Variants in PRKG1 observed in about 807,000 individuals in gnomAD.
PRKG1 encodes protein kinase cGMP-dependent 1, also known as cGMP-dependent protein kinase 1.
A neutral mutation model predicts 88.1 loss-of-function variants in PRKG1; 35 were observed. That is an observed-to-expected ratio of 0.40 (90% CI 0.30 to 0.53). The LOEUF is 0.53. Among genes scored for constraint, PRKG1 ranks in the 20% least tolerant of loss-of-function variants. PRKG1 has a pLI of 0.59. For missense variants in PRKG1, 540 were observed against 839.8 expected, an observed-to-expected ratio of 0.64 and a Z score of 4.41; for synonymous variants, 303 against 292.5, an observed-to-expected ratio of 1.04 and a Z score of -0.37.
intron 2 of PRKG1, among the ~76,000 whole-genome samples, chr10:51,295,645 C>CTTCTT (rs61664932): frequency 0.24 from 35,598 of 150,940 alleles, 4,239 homozygotes; most frequent in Admixed American, 0.36. Flanking sequence ...TTCCTTTCCT[C>CTTCTT]TTCTTTTCTT....
intron 3 of PRKG1, among the ~76,000 whole-genome samples, chr10:51,768,334 T>C (rs1838221644): frequency 1.3e-5 from 2 of 152,160 alleles, no homozygotes. Flanking sequence ...CACATATCTA[T>C]GGAGTTGGCC....
At chr10:52,262,417 C>A (rs1841454351) in intron 10 of PRKG1, among the ~76,000 whole-genome samples, 1 of 151,926 alleles carries the variant, frequency 6.6e-6, no homozygotes, top group African/African-American at 2.4e-5. Context: ...ATTACAGGTG[C>A]CCACTGCCAT....
At chr10:51,082,228 A>C (rs1460169633) in intron 1 of PRKG1, among the ~76,000 whole-genome samples, 1 of 152,166 alleles carries the variant, frequency 6.6e-6, no homozygotes, top group African/African-American at 2.4e-5. Context: ...CTCCTTAGCC[A>C]CTAGGCTCTC....
chr10:51,734,016 G>A (rs182172982), intron 3 of PRKG1, among the ~76,000 whole-genome samples: 1 of 151,968 alleles, frequency 6.6e-6, no homozygotes, highest in East Asian at 1.9e-4. Flanking sequence ...TAAACAAAAT[G>A]TTTCTATAAC....
intron 2 of PRKG1, among the ~76,000 whole-genome samples, chr10:51,169,592 G>A (rs998127876): frequency 2.6e-5 from 4 of 152,172 alleles, no homozygotes; most frequent in South Asian, 4.2e-4. Context: ...CAACACATAC[G>A]ACATTATATT....
chr10:51,401,149 A>C (rs1019845732), intron 2 of PRKG1, among the ~76,000 whole-genome samples: 4 of 152,260 alleles, frequency 2.6e-5, no homozygotes, highest in African/African-American at 9.6e-5. Context: ...TAATTTTAAC[A>C]ATATATTTTA....
At chr10:52,057,885 T>G (rs1290367552) in intron 6 of PRKG1, among the ~76,000 whole-genome samples, 1 of 151,906 alleles carries the variant, frequency 6.6e-6, no homozygotes, top group Non-Finnish European at 1.5e-5. Context: ...TGAGAAACAT[T>G]TTTTTTAATA....
chr10:52,195,014 T>G (rs1839466952), intron 9 of PRKG1, among the ~76,000 whole-genome samples: 1 of 152,170 alleles, frequency 6.6e-6, no homozygotes, highest in Non-Finnish European at 1.5e-5. Flanking sequence ...AGTACCAGTT[T>G]AACACTTAAG....
At chr10:51,303,690 T>C (rs1840954193) in intron 2 of PRKG1, among the ~76,000 whole-genome samples, 1 of 152,078 alleles carries the variant, frequency 6.6e-6, no homozygotes, top group Non-Finnish European at 1.5e-5. Flanking sequence ...AATTTTTGTC[T>C]CCAGTGTTAT....
chr10:51,484,929 G>A (rs1380835420), intron 3 of PRKG1, among the ~76,000 whole-genome samples: 1 of 152,146 alleles, frequency 6.6e-6, no homozygotes, highest in Non-Finnish European at 1.5e-5. Flanking sequence ...TAAAGATAGA[G>A]ATAATTAGCA....
At chr10:51,497,116 G>A (rs1187050063) in intron 3 of PRKG1, among the ~76,000 whole-genome samples, 1 of 152,116 alleles carries the variant, frequency 6.6e-6, no homozygotes, top group African/African-American at 2.4e-5. Flanking sequence ...CTAGCTAGTT[G>A]TGATAACTAC....
At chr10:52,081,239 G>C (rs1355239580) in intron 7 of PRKG1, among the ~76,000 whole-genome samples, 1 of 152,194 alleles carries the variant, frequency 6.6e-6, no homozygotes, top group Non-Finnish European at 1.5e-5. Context: ...ATCAGGCAAA[G>C]ACACGCATGT....
intron 10 of PRKG1, among the ~76,000 whole-genome samples, chr10:52,261,662 A>G (rs978374076): frequency 1.3e-5 from 2 of 152,126 alleles, no homozygotes; most frequent in Non-Finnish European, 2.9e-5. Flanking sequence ...CTATGAAACA[A>G]GGCAAATGCT....
intron 3 of PRKG1, among the ~76,000 whole-genome samples, chr10:51,752,379 C>G (rs538025853): frequency 6.6e-6 from 1 of 152,290 alleles, no homozygotes; most frequent in South Asian, 2.1e-4. Context: ...TTTGTCTCCT[C>G]TAATCTCCAA....
At chr10:51,592,491 C>T (rs1838336099) in intron 3 of PRKG1, among the ~76,000 whole-genome samples, 1 of 152,110 alleles carries the variant, frequency 6.6e-6, no homozygotes, top group African/African-American at 2.4e-5. Context: ...GATCAGACTC[C>T]CACAATCAAT....
At chr10:52,187,535 T>C (rs774306146) in intron 9 of PRKG1, among the ~76,000 whole-genome samples, 1 of 152,200 alleles carries the variant, frequency 6.6e-6, no homozygotes, top group Admixed American at 6.5e-5. Flanking sequence ...TTATGAGAAC[T>C]GGAAGTCACA....
At chr10:51,764,069 T>A (rs1163131954) in intron 3 of PRKG1, among the ~76,000 whole-genome samples, 53 of 152,326 alleles carry the variant, frequency 3.5e-4, no homozygotes, top group Non-Finnish European at 2.1e-4. Context: ...GAGAATTAAG[T>A]TTCAACATGT....
At chr10:51,948,061 AT>A (rs937394592) in intron 5 of PRKG1, among the ~76,000 whole-genome samples, 5 of 152,092 alleles carry the variant, frequency 3.3e-5, no homozygotes, top group Admixed American at 1.3e-4. Flanking sequence ...AATGGTATTT[AT>A]TTTTTTCATT....
intron 9 of PRKG1, among the ~76,000 whole-genome samples, chr10:52,233,974 G>C (rs1223452644): frequency 6.6e-6 from 1 of 151,944 alleles, no homozygotes; most frequent in East Asian, 2.0e-4. Flanking sequence ...TCTGAGAACC[G>C]GCAGACTGCC....
Sources: allele counts gnomAD v4.1 joint callset (sites outside exome capture counted in the v4.1 genomes callset), GRCh38; gene constraint gnomAD v4.1.1; transcripts MANE v1.5; gene names NCBI Gene and HGNC (gene_info 2026-07-23, HGNC 2026-07-21).